Variants in PALS1 observed in about 807,000 individuals in gnomAD.
The protein encoded by PALS1 is protein associated with LIN7 1, MAGUK p55 family member.
Under a neutral mutation model 78.9 loss-of-function variants are expected in PALS1, and 31 were observed. The observed-to-expected ratio is 0.39, with a 90% confidence interval of 0.30 to 0.53. The LOEUF (loss-of-function observed/expected upper bound fraction) is 0.53. PALS1 is among the 20% of genes least tolerant of loss of function. The pLI is 0.67. For synonymous variants in PALS1, 276 were observed against 270.9 expected (o/e 1.02, Z -0.18); for missense variants, 704 against 826.5 (o/e 0.85, Z 1.82).
intron 8 of PALS1, 35 bp from the exon 9 acceptor site, chr14:67,312,492 C>A: frequency 1.4e-6 from 2 of 1,423,254 alleles, no homozygotes; most frequent in South Asian, 1.6e-5. Context: ...TTTATATTGC[C>A]ATTTATTGTT....
chr14:67,261,232 C>A (rs1351338235), intron 1 of PALS1, among the ~76,000 whole-genome samples: 3 of 152,104 alleles, frequency 2.0e-5, no homozygotes, highest in Non-Finnish European at 1.5e-5. Context: ...GAAAGTTAAT[C>A]TGGCAATACT....
intron 2 of PALS1, among the ~76,000 whole-genome samples, chr14:67,272,492 A>G (rs575904199): frequency 2.6e-5 from 4 of 152,340 alleles, no homozygotes; most frequent in African/African-American, 4.8e-5. Flanking sequence ...GCTGGCACAT[A>G]AAGAAGTGCT....
At chr14:67,263,202 T>C (rs2084265530) in intron 1 of PALS1, among the ~76,000 whole-genome samples, 1 of 152,196 alleles carries the variant, frequency 6.6e-6, no homozygotes, top group Non-Finnish European at 1.5e-5. Context: ...CTTCAGGAAA[T>C]GTTATGTGTA....
chr14:67,299,443 A>G lies in PALS1; in HGVS notation c.577-1946A>G, dbSNP rs1333704406. Among the ~76,000 whole-genome samples, 13 of 152,338 alleles carry G rather than the reference A, an allele frequency of 8.5e-5. No homozygotes were observed. In the South Asian group the frequency reaches 1.0e-3, roughly 12 times the overall value. Reference sequence around the variant, plus strand: ...AATTTTCTGATTTTTCACATTTAACATACATCATTTTTATAATTAAAAAAA... The same window carrying G: ...AATTTTCTGATTTTTCACATTTAACGTACATCATTTTTATAATTAAAAAAA... On this transcript the variant is annotated intron_variant, in intron 4 of 14. Coordinates refer to ENST00000261681, the MANE Select transcript of PALS1 (RefSeq NM_022474.4).
Position 67,332,943 on chromosome 14 carries a change from C to T in PALS1, c.2015C>T (p.Thr672Ile). The T allele has an allele frequency of 2.5e-6, 4 of 1,606,144 alleles. No individual in the cohort carries two copies. Among genetic ancestry groups the T allele is most frequent in the Non-Finnish European group, 3.4e-6 (4 of 1,173,902 alleles). ...LDTEPQWVPS[T>I]WLR is the part of the protein sequence containing the mutation. ...ACTGAACCTCAGTGGGTACCATCCA[C>T]TTGGCTGAGGTGAAAGAAACATCCA... Residue 672 changes from threonine (T) to isoleucine (I), a missense_variant, in exon 15 of 15, where the codon ACT becomes ATT. By Grantham distance (89) the Thr-to-Ile change is moderately conservative (BLOSUM62 -1). Transcript: ENST00000261681.
intron 6 of PALS1, 82 bp downstream of exon 6, chr14:67,302,200 C>A (rs2084941274): frequency 2.1e-6 from 3 of 1,411,560 alleles, no homozygotes; most frequent in Non-Finnish European, 2.8e-6. Flanking sequence ...TTTCAGAATT[C>A]TAATGAATAG....
At chr14:67,287,743 A>G (rs978783334) in intron 3 of PALS1, among the ~76,000 whole-genome samples, 3 of 152,256 alleles carry the variant, frequency 2.0e-5, no homozygotes, top group African/African-American at 7.2e-5. Context: ...AACAACATTT[A>G]CAGTGTCATC....
chr14:67,260,632 CAG>C (rs1404761111), intron 1 of PALS1, among the ~76,000 whole-genome samples: 5 of 151,906 alleles, frequency 3.3e-5, no homozygotes, highest in South Asian at 4.2e-4. Context: ...AAAATCTTAA[CAG>C]ATAAAAAGTT....
chr14:67,280,837 T>TTCCTTCCTTCCTTCCTTCCTTCCC (rs2084593142), intron 3 of PALS1, among the ~76,000 whole-genome samples: 3 of 133,446 alleles, frequency 2.2e-5, no homozygotes, highest in African/African-American at 9.5e-5. Context: ...CCTTCCTTCC[T>TTCCTTCCTTCCTTCCTTCCTTCCC]TCCTTCCTTC....
At chr14:67,253,955 T>A (rs1234635476) in intron 1 of PALS1, among the ~76,000 whole-genome samples, 1 of 151,310 alleles carries the variant, frequency 6.6e-6, no homozygotes, top group African/African-American at 2.4e-5. Context: ...GTGTTAATAT[T>A]TTGTTTTGTT....
intron 1 of PALS1, among the ~76,000 whole-genome samples, chr14:67,246,282 G>A (rs1036403675): frequency 2.0e-5 from 3 of 151,168 alleles, no homozygotes; most frequent in Non-Finnish European, 3.0e-5. Flanking sequence ...GCGTGCCACC[G>A]CACTTGGCTG....
At chr14:67,291,234 C>CTT (rs139073520) in intron 3 of PALS1, among the ~76,000 whole-genome samples, 14 of 145,008 alleles carry the variant, frequency 9.7e-5, no homozygotes, top group African/African-American at 2.3e-4. Context: ...ACTACCAGTG[C>CTT]TTTTTTTTTT....
chr14:67,307,008 C>G (rs2085014759), intron 8 of PALS1, among the ~76,000 whole-genome samples: 1 of 152,046 alleles, frequency 6.6e-6, no homozygotes, highest in South Asian at 2.1e-4. Context: ...ATCTGAAACC[C>G]CTATATAATG....
chr14:67,282,572 A>T (rs1291337015), intron 3 of PALS1, among the ~76,000 whole-genome samples: 2 of 152,178 alleles, frequency 1.3e-5, no homozygotes, highest in Non-Finnish European at 2.9e-5. Context: ...AATTGATAGA[A>T]AATACTCAGA....
At chr14:67,330,747 CG>C (rs143771715) in intron 14 of PALS1, among the ~76,000 whole-genome samples, 23,596 of 152,162 alleles carry the variant, frequency 0.16, 3,453 homozygotes, top group East Asian at 0.42. Flanking sequence ...CCTGAGCCCC[CG>C]GCACCCCGCT....
At chr14:67,267,343 C>G (rs572582579) in intron 1 of PALS1, among the ~76,000 whole-genome samples, 1 of 152,072 alleles carries the variant, frequency 6.6e-6, no homozygotes, top group African/African-American at 2.4e-5. Flanking sequence ...ACTGCAACCT[C>G]TGCCTCCCAG....
chr14:67,261,641 A>AT (rs2084239331), intron 1 of PALS1, among the ~76,000 whole-genome samples: 1 of 152,142 alleles, frequency 6.6e-6, no homozygotes, highest in South Asian at 2.1e-4. Context: ...AGAGAATAAA[A>AT]TTTTTTATAT....
intron 9 of PALS1, among the ~76,000 whole-genome samples, chr14:67,316,016 C>T (rs943175568): frequency 6.6e-6 from 1 of 152,198 alleles, no homozygotes; most frequent in Non-Finnish European, 1.5e-5. Flanking sequence ...GCACTAAGTT[C>T]TACAGATTAT....
At chr14:67,324,425 GT>G (rs201829084) in intron 14 of PALS1, among the ~76,000 whole-genome samples, 4 of 151,622 alleles carry the variant, frequency 2.6e-5, no homozygotes, top group East Asian at 3.9e-4. Context: ...GTTCTTCCTT[GT>G]TTTTTTTGCT....
Sources: gnomAD v4.1 joint callset for allele counts (sites outside exome capture counted in the v4.1 genomes callset) on GRCh38, gnomAD v4.1.1 for gene constraint, MANE v1.5 for transcripts, NCBI Gene and HGNC (gene_info 2026-07-23, HGNC 2026-07-21) for gene names.